Variants in DLC1 observed in about 807,000 individuals in gnomAD.
DLC1 encodes rho GTPase-activating protein 7.
DLC1 carries 54 observed loss-of-function variants against 140.3 expected under a neutral mutation model. That is an observed-to-expected ratio of 0.38 (90% CI 0.31 to 0.48). DLC1 has a LOEUF of 0.48. Among genes scored for constraint, DLC1 ranks in the 20% least tolerant of loss-of-function variants. DLC1 has a pLI of 0.96. For missense variants in DLC1, 2,536 were observed against 1,907.0 expected (o/e 1.33, Z -6.14); for synonymous variants, 986 against 728.1 (o/e 1.35, Z -5.70).
chr8:13,540,751 C>T lies in DLC1; in HGVS notation c.-125-40555G>A, dbSNP rs150885648. On this transcript the variant is annotated intron_variant, in intron 1 of 1. Transcript: ENST00000631382. The stretch of plus-strand genomic sequence containing the variant: ...AACCCCAACCAGTTGGTCACTGAAG[C>T]CTTCGACATGGCAATCACTCATCTG... 2.8e-3 allele frequency among the ~76,000 whole-genome samples: 423 copies of T among 152,272 alleles called. 3 individuals carry two copies. Among genetic ancestry groups the T allele is most frequent in the African/African-American group, 9.5e-3 (395 of 41,556 alleles).
intron 1 of DLC1, among the ~76,000 whole-genome samples, chr8:13,511,019 A>C (rs762995684): frequency 6.6e-6 from 1 of 152,048 alleles, no homozygotes; most frequent in Non-Finnish European, 1.5e-5. Context: ...TCATTTCACA[A>C]ACATTTATTG....
chr8:13,348,820 C>G (rs1834495121), intron 4 of DLC1, among the ~76,000 whole-genome samples: 1 of 152,122 alleles, frequency 6.6e-6, no homozygotes, highest in Non-Finnish European at 1.5e-5. Flanking sequence ...AGTAGGTGGA[C>G]TGTTGGCAGC....
At chr8:13,262,167 G>T (rs1158733876) in intron 5 of DLC1, among the ~76,000 whole-genome samples, 2 of 152,006 alleles carry the variant, frequency 1.3e-5, no homozygotes, top group Admixed American at 6.5e-5. Flanking sequence ...TTTCTGTATT[G>T]GTTGTGACTG....
At chr8:13,123,229 C>A (rs2128956873) in intron 5 of DLC1, among the ~76,000 whole-genome samples, 1 of 152,284 alleles carries the variant, frequency 6.6e-6, no homozygotes, top group Non-Finnish European at 1.5e-5. Flanking sequence ...AAACTCCTAA[C>A]AATGTCCCAC....
intron 4 of DLC1, among the ~76,000 whole-genome samples, chr8:13,322,475 A>G (rs73562570): frequency 0.15 from 13,664 of 88,934 alleles, 668 homozygotes; most frequent in South Asian, 0.22. Flanking sequence ...CTTGGATTTC[A>G]TATACATCTG....
At chr8:13,241,576 T>G (rs11994074) in intron 5 of DLC1, among the ~76,000 whole-genome samples, 5 of 152,026 alleles carry the variant, frequency 3.3e-5, no homozygotes, top group Non-Finnish European at 7.4e-5. Context: ...GCGGAGGAAA[T>G]GTATGAAAAG....
chr8:13,471,828 C>T (rs950233644), intron 2 of DLC1, among the ~76,000 whole-genome samples: 8 of 152,192 alleles, frequency 5.3e-5, no homozygotes, highest in South Asian at 2.1e-4. Flanking sequence ...TCACTCCCTT[C>T]CACCCCCACG....
intron 2 of DLC1, among the ~76,000 whole-genome samples, chr8:13,410,018 G>A (rs1837719263): frequency 6.6e-6 from 1 of 152,054 alleles, no homozygotes; most frequent in Non-Finnish European, 1.5e-5. Flanking sequence ...TAGGGTGACA[G>A]GAATTAGAGT....
chr8:13,506,976 A>C (rs1021651325), intron 1 of DLC1, among the ~76,000 whole-genome samples: 1 of 152,136 alleles, frequency 6.6e-6, no homozygotes, highest in African/African-American at 2.4e-5. Flanking sequence ...TGTACATCGT[A>C]TGTGCCCCCA....
intron 5 of DLC1, among the ~76,000 whole-genome samples, chr8:13,173,458 G>A (rs1267754326): frequency 2.3e-5 from 3 of 131,094 alleles, no homozygotes; most frequent in African/African-American, 8.6e-5. Flanking sequence ...TGCAAACTCC[G>A]CCTCCCGTGT....
At chr8:13,109,563 T>TA (rs977939153) in intron 7 of DLC1, among the ~76,000 whole-genome samples, 46 of 129,800 alleles carry the variant, frequency 3.5e-4, no homozygotes, top group African/African-American at 8.4e-4. Context: ...TCTTTAAAAA[T>TA]AAAAAAAAAT....
At chr8:13,096,088 C>T (rs1818477501) in intron 10 of DLC1, 1 of 152,242 alleles carries the variant, frequency 6.6e-6, no homozygotes, top group African/African-American at 2.4e-5. Flanking sequence ...TTCCAGCTCT[C>T]CAAATGACCT....
At chr8:13,398,928 A>T (rs1446468538) in intron 3 of DLC1, among the ~76,000 whole-genome samples, 1 of 152,202 alleles carries the variant, frequency 6.6e-6, no homozygotes, top group Admixed American at 6.5e-5. Flanking sequence ...CTATGAGAAG[A>T]GGAAGGCAAG....
chr8:13,445,013 GGTA>G (rs1012140896), intron 2 of DLC1, among the ~76,000 whole-genome samples: 10 of 152,108 alleles, frequency 6.6e-5, no homozygotes, highest in African/African-American at 2.4e-4. Flanking sequence ...ACAAGGGAAA[GGTA>G]GGAGAGACAG....
At chr8:13,434,825 C>A (rs1839043174) in intron 2 of DLC1, among the ~76,000 whole-genome samples, 1 of 151,948 alleles carries the variant, frequency 6.6e-6, no homozygotes, top group Admixed American at 6.6e-5. Context: ...ACTACAGGCC[C>A]TGCTCCAACA....
At chr8:13,458,190 A>G (rs289541) in intron 2 of DLC1, among the ~76,000 whole-genome samples, 1 of 152,054 alleles carries the variant, frequency 6.6e-6, no homozygotes, top group Non-Finnish European at 1.5e-5. Context: ...ATTATCTGAG[A>G]TAAAAATTTT....
At chr8:13,461,152 G>C (rs1799639114) in intron 2 of DLC1, among the ~76,000 whole-genome samples, 1 of 152,244 alleles carries the variant, frequency 6.6e-6, no homozygotes, top group Non-Finnish European at 1.5e-5. Context: ...CAAGGCTGCA[G>C]TGAGCTATGA....
At chr8:13,566,162 A>T (rs916964713) in intron 1 of DLC1, among the ~76,000 whole-genome samples, 5 of 151,544 alleles carry the variant, frequency 3.3e-5, no homozygotes, top group Non-Finnish European at 5.9e-5. Flanking sequence ...GACACTATTT[A>T]AAAAAAAATG....
intron 6 of DLC1, among the ~76,000 whole-genome samples, chr8:13,112,428 C>T (rs1646010451): frequency 1.3e-5 from 2 of 151,894 alleles, no homozygotes; most frequent in South Asian, 2.1e-4. Flanking sequence ...TTTCTGAAGG[C>T]TACAGTTGGA....
Sources: allele counts gnomAD v4.1 joint callset (sites outside exome capture counted in the v4.1 genomes callset), GRCh38; gene constraint gnomAD v4.1.1; transcripts MANE v1.5; gene names NCBI Gene and HGNC (gene_info 2026-07-23, HGNC 2026-07-21).